Variants in SHANK2 observed in about 807,000 individuals in gnomAD.
The protein encoded by SHANK2 is SH3 and multiple ankyrin repeat domains 2.
SHANK2 carries 43 observed loss-of-function variants against 133.7 expected under a neutral mutation model. That is an observed-to-expected ratio of 0.32 (90% CI 0.25 to 0.41). SHANK2 has a LOEUF of 0.41. Ranked by LOEUF, SHANK2 falls within the 10% of genes least tolerant of loss-of-function variation. The probability of loss-of-function intolerance (pLI) is 1.00; values close to 1 mark genes in which losing one functional copy is unlikely to be tolerated. For synonymous variants in SHANK2, 1,017 were observed against 952.8 expected, an observed-to-expected ratio of 1.07 and a Z score of -1.24; for missense variants, 1,994 against 2,235.8, an observed-to-expected ratio of 0.89 and a Z score of 2.18.
chr11:70,497,600 G>A (rs2058990188), intron 21 of SHANK2, among the ~76,000 whole-genome samples: 3 of 152,150 alleles, frequency 2.0e-5, no homozygotes, highest in South Asian at 4.1e-4. Flanking sequence ...GGGAGGGGAG[G>A]TAGGTTTGTC....
chr11:70,792,431 C>T (rs1473940046), intron 14 of SHANK2, among the ~76,000 whole-genome samples: 1 of 152,028 alleles, frequency 6.6e-6, no homozygotes, highest in Non-Finnish European at 1.5e-5. Context: ...AACCAACCAA[C>T]CAACCAACCA....
At chr11:70,561,326 GTA>G (rs1471845352) in intron 17 of SHANK2, among the ~76,000 whole-genome samples, 1 of 151,744 alleles carries the variant, frequency 6.6e-6, no homozygotes, top group Non-Finnish European at 1.5e-5. Context: ...GCTAATTTTT[GTA>G]TTTCAGTAGA....
chr11:70,496,626 T>C (rs1401966488), intron 21 of SHANK2, among the ~76,000 whole-genome samples: 1 of 152,226 alleles, frequency 6.6e-6, no homozygotes, highest in Non-Finnish European at 1.5e-5. Context: ...GTAAAGGGAT[T>C]GTTCCCATGT....
At chr11:70,533,553 G>T (rs540747001) in intron 17 of SHANK2, among the ~76,000 whole-genome samples, 1 of 152,180 alleles carries the variant, frequency 6.6e-6, no homozygotes, top group Non-Finnish European at 1.5e-5. Context: ...CTTGCCTGGC[G>T]TTCCCTCTGC....
chr11:70,926,350 G>A (rs1555081608), intron 10 of SHANK2, among the ~76,000 whole-genome samples: 1 of 152,178 alleles, frequency 6.6e-6, no homozygotes, highest in Admixed American at 6.5e-5. Flanking sequence ...GGCAGGGGTG[G>A]AAAGGACATG....
rs577502672 is a variant in SHANK2, at chr11:71,092,136, C to T, written c.912+286G>A. On this transcript the variant is annotated intron_variant, in intron 8 of 25. Coordinates refer to ENST00000601538, the MANE Select transcript of SHANK2 (RefSeq NM_012309.5). ...GAAGGGGGCGTCCACCCCATAACTGCAGGGCACTCCTGCTGTGCAGAAACT... is the reference window on the plus strand; with the variant it reads ...GAAGGGGGCGTCCACCCCATAACTGTAGGGCACTCCTGCTGTGCAGAAACT... Among the ~76,000 whole-genome samples, 10 of 152,368 alleles carry T rather than the reference C, an allele frequency of 6.6e-5. No individual in the cohort carries two copies. The South Asian group carries it at 1.2e-3, about 19-fold the overall frequency.
At chr11:70,732,398 C>A (rs1946310239) in intron 14 of SHANK2, among the ~76,000 whole-genome samples, 1 of 152,182 alleles carries the variant, frequency 6.6e-6, no homozygotes, top group African/African-American at 2.4e-5. Flanking sequence ...GGACCAGTCT[C>A]CCCACTTCTC....
chr11:70,726,891 G>A (rs1225266773), intron 14 of SHANK2, among the ~76,000 whole-genome samples: 5 of 152,180 alleles, frequency 3.3e-5, no homozygotes, highest in African/African-American at 1.2e-4. Flanking sequence ...AGTAAGCCTG[G>A]GCTAGCCCAC....
intron 6 of SHANK2, among the ~76,000 whole-genome samples, chr11:71,097,067 T>C (rs2135139663): frequency 6.6e-6 from 1 of 152,290 alleles, no homozygotes; most frequent in African/African-American, 2.4e-5. Flanking sequence ...TGGGGAGCTA[T>C]GTGTGGTCCT....
At position 71,234,828 on chromosome 11, in the gene SHANK2, T is replaced by C. The variant is rs916802782; in HGVS notation, c.-112-10032A>G. Among the ~76,000 whole-genome samples the C allele has an allele frequency of 2.0e-5, 3 of 152,072 alleles. No individual in the cohort carries two copies. The East Asian group carries it at 5.8e-4, about 29-fold the overall frequency. ...GTCCTGCTGCCCCACAGGCACCCCA[T>C]GAACGGAGGGAGGAAATGTCACACC... On this transcript the variant is annotated intron_variant, in intron 1 of 25. Transcript: ENST00000601538.
rs2058584398 is a variant in SHANK2 at position 70,470,449 on chromosome 11, T to G, written c.*2420A>C. On this transcript the variant is annotated 3_prime_UTR_variant, in exon 26 of 26. Transcript: ENST00000601538. The stretch of plus-strand genomic sequence containing the variant: ...GGTTATCGTCTGCCAGCGGTTTCCT[T>G]GACTCTCCTTTGAGCTAGTGTTTTG... The G allele has an allele frequency of 6.6e-6, 1 of 152,470 alleles. No homozygotes were observed. Among genetic ancestry groups the G allele is most frequent in the African/African-American group, 2.4e-5 (1 of 41,424 alleles). 9.4% of individuals were successfully genotyped at this position (152,470 alleles called of 1,614,324 possible). A position where few individuals can be genotyped will look rare whatever the true frequency, so the allele number is the denominator to read the frequency against.
chr11:70,690,198 T>C (rs1160784035), intron 15 of SHANK2, among the ~76,000 whole-genome samples: 1 of 151,866 alleles, frequency 6.6e-6, no homozygotes, highest in Non-Finnish European at 1.5e-5. Context: ...CAGATTCCAG[T>C]GATACATCAG....
intron 14 of SHANK2, among the ~76,000 whole-genome samples, chr11:70,726,183 C>A (rs540953918): frequency 1.3e-5 from 2 of 152,298 alleles, no homozygotes; most frequent in South Asian, 4.1e-4. Flanking sequence ...CGGAACCTAA[C>A]ACAGAAGCAG....
intron 14 of SHANK2, among the ~76,000 whole-genome samples, chr11:70,725,838 C>A (rs889522385): frequency 1.3e-5 from 2 of 152,200 alleles, no homozygotes; most frequent in East Asian, 3.9e-4. Flanking sequence ...TGTACAGAAG[C>A]ATGGGGGGAA....
At chr11:70,864,224 TCTG>T (rs1330346677) in intron 11 of SHANK2, 6 of 174,824 alleles carry the variant, frequency 3.4e-5, no homozygotes, top group Admixed American at 3.4e-4. Flanking sequence ...ACTGGGATGC[TCTG>T]CTATTTGCAC....
At chr11:71,074,298 G>A (rs1032569654) in intron 9 of SHANK2, among the ~76,000 whole-genome samples, 259 of 152,270 alleles carry the variant, frequency 1.7e-3, no homozygotes, top group African/African-American at 5.8e-3. Flanking sequence ...GGAGAACAGC[G>A]AAAGTGAGAC....
At chr11:70,607,136 T>C (rs2060589496) in intron 17 of SHANK2, among the ~76,000 whole-genome samples, 1 of 152,148 alleles carries the variant, frequency 6.6e-6, no homozygotes, top group South Asian at 2.1e-4. Context: ...CCTGGAAACA[T>C]CCGCCTTCCT....
intron 10 of SHANK2, among the ~76,000 whole-genome samples, chr11:70,936,445 G>A (rs1555083459): frequency 6.6e-6 from 1 of 152,198 alleles, no homozygotes; most frequent in Non-Finnish European, 1.5e-5. Flanking sequence ...CCAGGAGGTG[G>A]AGGTTGCAGT....
At chr11:70,579,635 T>G (rs2060159199) in intron 17 of SHANK2, among the ~76,000 whole-genome samples, 1 of 152,196 alleles carries the variant, frequency 6.6e-6, no homozygotes, top group Admixed American at 6.5e-5. Flanking sequence ...GGACCCCCGG[T>G]GTCCCCGGGA....
Sources: gnomAD v4.1 joint callset for allele counts (sites outside exome capture counted in the v4.1 genomes callset) on GRCh38, gnomAD v4.1.1 for gene constraint, MANE v1.5 for transcripts, NCBI Gene and HGNC (gene_info 2026-07-23, HGNC 2026-07-21) for gene names.